The following ALOX5AP variants were observed in gnomAD, a reference collection of about 807,000 sequenced individuals.
ALOX5AP encodes arachidonate 5-lipoxygenase activating protein.
A neutral mutation model predicts 18.5 loss-of-function variants in ALOX5AP; 9 were observed. The ratio of observed to expected loss-of-function variants is 0.49; its 90% CI spans 0.29 to 0.85. ALOX5AP has a LOEUF of 0.85. Ranked by LOEUF, ALOX5AP falls within the 40% of genes least tolerant of loss-of-function variation. The probability of loss-of-function intolerance (pLI) is 0.08; values close to 1 mark genes in which losing one functional copy is unlikely to be tolerated. For missense variants in ALOX5AP, 172 were observed against 202.5 expected (o/e 0.85, Z 0.91); for synonymous variants, 81 against 78.6 (o/e 1.03, Z -0.16).
At chr13:30,740,344 A>G (rs1408274669) in intron 1 of ALOX5AP, among the ~76,000 whole-genome samples, 1 of 152,210 alleles carries the variant, frequency 6.6e-6, no homozygotes, top group Non-Finnish European at 1.5e-5. Flanking sequence ...CAGTGGAGTG[A>G]TTGATAACCT....
At chr13:30,749,981 T>C (rs1951838931) in intron 2 of ALOX5AP, among the ~76,000 whole-genome samples, 1 of 152,142 alleles carries the variant, frequency 6.6e-6, no homozygotes, top group Admixed American at 6.5e-5. Context: ...AATTGCATCT[T>C]TGTTTTTACC....
At chr13:30,717,058 G>A (rs1951556009) in intron 1 of ALOX5AP, among the ~76,000 whole-genome samples, 1 of 152,124 alleles carries the variant, frequency 6.6e-6, no homozygotes, top group Non-Finnish European at 1.5e-5. Context: ...TGCCCATGCG[G>A]CCGATCTGTT....
intron 2 of ALOX5AP, among the ~76,000 whole-genome samples, chr13:30,750,911 C>T (rs770793154): frequency 7.9e-5 from 12 of 152,172 alleles, no homozygotes; most frequent in Non-Finnish European, 1.5e-4. Context: ...GGTTCTGAGT[C>T]AAGGAATACA....
At chr13:30,722,176 CT>C (rs1395657889) in intron 1 of ALOX5AP, among the ~76,000 whole-genome samples, 1 of 152,238 alleles carries the variant, frequency 6.6e-6, no homozygotes, top group Non-Finnish European at 1.5e-5. Context: ...CCTCATTTCA[CT>C]TCTTACTCTT....
intron 1 of ALOX5AP, among the ~76,000 whole-genome samples, chr13:30,726,125 C>G (rs1434530806): frequency 6.6e-6 from 1 of 152,154 alleles, no homozygotes; most frequent in African/African-American, 2.4e-5. Flanking sequence ...GAAATCTTAG[C>G]TCCTGTGGGG....
Position 30,750,025 on chromosome 13 carries a change from G to A in ALOX5AP, c.171-2027G>A, listed in dbSNP as rs1035449210. ...CACATGAAACCCGTGGTTCTCAAACGTCAGCAGGCATCAGCATCACATGGA... is the reference window on the plus strand; with the variant it reads ...CACATGAAACCCGTGGTTCTCAAACATCAGCAGGCATCAGCATCACATGGA... On this transcript the variant is annotated intron_variant, in intron 2 of 4. Coordinates refer to ENST00000380490, the MANE Select transcript of ALOX5AP (RefSeq NM_001629.4). 1.3e-4 allele frequency among the ~76,000 whole-genome samples: 20 copies of A among 152,242 alleles called. 1 individual carries two copies. Among genetic ancestry groups the A allele is most frequent in the Middle Eastern group, 6.8e-3 (2 of 294 alleles).
intron 1 of ALOX5AP, chr13:30,713,848 G>GTGTGTGTGCGCGCACACGCGCA (rs1244878535): frequency 1.3e-6 from 2 of 1,535,282 alleles, no homozygotes; most frequent in African/African-American, 1.4e-5. Flanking sequence ...GCTGGTGTGT[G>GTGTGTGTGCGCGCACACGCGCA]TGTGTGTGCG....
At chr13:30,739,409 G>T (rs1476318919) in intron 1 of ALOX5AP, among the ~76,000 whole-genome samples, 1 of 152,168 alleles carries the variant, frequency 6.6e-6, no homozygotes, top group Non-Finnish European at 1.5e-5. Flanking sequence ...GTCTTTATAA[G>T]TGTATGCAAG....
At chr13:30,757,855 C>A (rs1048634875) in intron 4 of ALOX5AP, among the ~76,000 whole-genome samples, 2 of 152,174 alleles carry the variant, frequency 1.3e-5, no homozygotes, top group East Asian at 1.9e-4. Context: ...TACAAGAAAT[C>A]TTTAAAATAG....
chr13:30,741,599 G>A (rs1291006549), intron 1 of ALOX5AP, among the ~76,000 whole-genome samples: 10 of 145,104 alleles, frequency 6.9e-5, no homozygotes, highest in Non-Finnish European at 1.5e-5. Context: ...AGTAGAGATG[G>A]GGTGTCACCA....
intron 2 of ALOX5AP, among the ~76,000 whole-genome samples, chr13:30,748,798 C>A (rs1355528229): frequency 6.6e-6 from 1 of 152,160 alleles, no homozygotes; most frequent in African/African-American, 2.4e-5. Flanking sequence ...TGTAGATGAG[C>A]AAACTGAGGC....
At chr13:30,745,067 A>C (rs1951798733) in intron 2 of ALOX5AP, among the ~76,000 whole-genome samples, 1 of 152,230 alleles carries the variant, frequency 6.6e-6, no homozygotes, top group South Asian at 2.1e-4. Flanking sequence ...GCAGGGTTGG[A>C]GTCCCTGGGC....
rs915314110 is a variant in ALOX5AP, at chr13:30,755,920, A to C, written c.242-24A>C. On this transcript the variant is annotated intron_variant, in intron 3 of 4. Transcript: ENST00000380490. ...GTTTTGGTGGCTACGAAACTGACAC[A>C]GGTGTTTTCATTTCTCCACTTAGTT... 7 of 1,611,726 alleles carry C rather than the reference A, an allele frequency of 4.3e-6. No individual in the cohort carries two copies. In the Admixed American group the frequency reaches 8.3e-5, roughly 19 times the overall value.
chr13:30,751,681 G>A (rs1160349732), intron 2 of ALOX5AP, among the ~76,000 whole-genome samples: 1 of 152,084 alleles, frequency 6.6e-6, no homozygotes, highest in Non-Finnish European at 1.5e-5. Flanking sequence ...TCTTCTCCCC[G>A]ACCACCCCCA....
chr13:30,715,483 T>C (rs1951543006), intron 1 of ALOX5AP, among the ~76,000 whole-genome samples: 1 of 152,192 alleles, frequency 6.6e-6, no homozygotes, highest in South Asian at 2.1e-4. Flanking sequence ...CTTTCTTGCT[T>C]GCTCCTCAGT....
chr13:30,726,166 G>A (rs1177444553), intron 1 of ALOX5AP, among the ~76,000 whole-genome samples: 3 of 152,168 alleles, frequency 2.0e-5, no homozygotes, highest in East Asian at 3.8e-4. Flanking sequence ...TACAATGGTG[G>A]TTCCACTAAA....
exon 1 of ALOX5AP, chr13:30,713,639 G>A: frequency 3.2e-6 from 3 of 943,088 alleles, no homozygotes; most frequent in Non-Finnish European, 4.9e-6. Context: ...TGAAGAGGAG[G>A]ACCCTGTCAC....
At chr13:30,733,633 T>A (rs745478357), upstream of ALOX5AP, among the ~76,000 whole-genome samples, 4 of 152,114 alleles carry the variant, frequency 2.6e-5, no homozygotes, top group African/African-American at 9.7e-5. Context: ...TTTTTCTGGG[T>A]GTGTTAGGGA....
intron 1 of ALOX5AP, among the ~76,000 whole-genome samples, chr13:30,742,933 C>A (rs1377693978): frequency 6.7e-6 from 1 of 148,818 alleles, no homozygotes; most frequent in Non-Finnish European, 1.5e-5. Flanking sequence ...TCTCTGACAC[C>A]CCCACCGCCA....
Sources: allele counts gnomAD v4.1 joint callset (sites outside exome capture counted in the v4.1 genomes callset), GRCh38; gene constraint gnomAD v4.1.1; transcripts MANE v1.5; gene names NCBI Gene and HGNC (gene_info 2026-07-23, HGNC 2026-07-21).